Variants in PLCG2 observed in about 807,000 individuals in gnomAD.
The protein encoded by PLCG2 is phospholipase C gamma 2, also known as 1-phosphatidylinositol 4,5-bisphosphate phosphodiesterase gamma-2.
In PLCG2, 69 loss-of-function variants were observed where a neutral mutation model predicts 175.6. That is an observed-to-expected ratio of 0.39 (90% confidence interval 0.32 to 0.48). The LOEUF is 0.48. Ranked by LOEUF, PLCG2 falls within the 20% of genes least tolerant of loss-of-function variation. The pLI is 0.91. For missense variants in PLCG2, 1,798 were observed against 1,650.9 expected (o/e 1.09, Z -1.54); for synonymous variants, 827 against 624.0 (o/e 1.33, Z -4.85).
At chr16:81,784,208 C>G (rs1292687194) in intron 1 of PLCG2, among the ~76,000 whole-genome samples, 1 of 152,116 alleles carries the variant, frequency 6.6e-6, no homozygotes, top group Non-Finnish European at 1.5e-5. Context: ...AAGGGCAAAT[C>G]CTGGGCCCCT....
At chr16:81,803,554 TTTCC>T (rs148828856) in intron 2 of PLCG2, among the ~76,000 whole-genome samples, 46 of 82,648 alleles carry the variant, frequency 5.6e-4, no homozygotes, top group African/African-American at 1.2e-3. Flanking sequence ...CTTTCCTTTC[TTTCC>T]TTCCTTTCCT....
At chr16:81,892,986 G>A (rs1387179680) in intron 11 of PLCG2, among the ~76,000 whole-genome samples, 1 of 151,446 alleles carries the variant, frequency 6.6e-6, no homozygotes, top group African/African-American at 2.4e-5. Context: ...CTGGGACTCC[G>A]GGCACGAGCC....
At chr16:81,787,232 AT>A (rs562724353) in intron 2 of PLCG2, among the ~76,000 whole-genome samples, 14 of 151,638 alleles carry the variant, frequency 9.2e-5, no homozygotes, top group South Asian at 8.4e-4. Context: ...AACAAAATTA[AT>A]TTTTTTGAGA....
At chr16:81,923,291 C>G in intron 21 of PLCG2, 194 bp from the exon 22 acceptor site, 1 of 552,420 alleles carries the variant, frequency 1.8e-6, no homozygotes, top group Admixed American at 3.0e-5. Context: ...GGCCAGTTCT[C>G]CTTCACTCCC....
chr16:81,938,261 GT>G (rs1910798632), intron 28 of PLCG2, among the ~76,000 whole-genome samples: 1 of 152,096 alleles, frequency 6.6e-6, no homozygotes, highest in South Asian at 2.1e-4. Flanking sequence ...CCCTTACTTT[GT>G]CCAATTCCAG....
chr16:81,900,615 C>G lies in PLCG2; in HGVS notation c.1197C>G (p.Phe399Leu). The G allele has an allele frequency of 1.3e-6, 2 of 1,588,638 alleles. No individual in the cohort carries two copies. The highest frequency in any genetic ancestry group is 1.7e-6 in the Non-Finnish European group (2 of 1,159,188). Residue 399 changes from phenylalanine (F) to leucine (L), a missense_variant, in exon 14 of 33, where the codon TTC becomes TTG. Phe to Leu is a conservative substitution (Grantham distance 22, BLOSUM62 0). Transcript: ENST00000564138. ...IKDHAFVTSS[F>L]PVILSIEEHC... ...GCCCACCCTCTTCTGCCTGCAGCTT[C>G]CCAGTGATCCTGTCCATCGAGGAGC...
At chr16:81,819,183 C>T (rs781247097) in intron 2 of PLCG2, among the ~76,000 whole-genome samples, 4 of 152,040 alleles carry the variant, frequency 2.6e-5, no homozygotes, top group Non-Finnish European at 5.9e-5. Flanking sequence ...AGACAAAGAC[C>T]TTGTTGGGTG....
chr16:81,931,481 A>T lies in PLCG2; in HGVS notation c.2582-16A>T, dbSNP rs1247284550. ...TAATAGGCTGATTGGGACATTTCTT[A>T]TTCTCTTACCCCAAGTGAAAGCCCC... On this transcript the variant is annotated splice_polypyrimidine_tract_variant and intron_variant, in intron 24 of 32. Coordinates refer to ENST00000564138, the MANE Select transcript of PLCG2 (RefSeq NM_002661.5). 1 of 1,612,428 alleles carries T rather than the reference A, an allele frequency of 6.2e-7. No individual in the cohort carries two copies. Among genetic ancestry groups the T allele is most frequent in the East Asian group, 2.2e-5 (1 of 44,834 alleles).
In PLCG2 at chr16:81,956,833, G is replaced by A; in HGVS notation, c.3709G>A (p.Val1237Ile). The change falls in exon 32 of 33, where the codon GTT becomes ATT. Residue 1237 changes from valine to isoleucine, a missense_variant. By Grantham distance (29) the Val-to-Ile change is conservative (BLOSUM62 3). Coordinates refer to ENST00000564138, the MANE Select transcript of PLCG2 (RefSeq NM_002661.5). ...NRDALVKEFSVNENQLQLYQE... is the reference protein window; with the variant it reads ...NRDALVKEFSINENQLQLYQE... Reference sequence around the variant, plus strand: ...GGATGCCCTGGTTAAAGAGTTCAGTGTTAATGAGAACCAGCTCCAGCTGTA... The same window carrying A: ...GGATGCCCTGGTTAAAGAGTTCAGTATTAATGAGAACCAGCTCCAGCTGTA... 4 of 1,614,156 alleles carry A rather than the reference G, an allele frequency of 2.5e-6. No homozygotes were observed. Among genetic ancestry groups the A allele is most frequent in the Non-Finnish European group, 3.4e-6 (4 of 1,179,992 alleles).
chr16:81,794,056 A>G (rs977776165), intron 2 of PLCG2, among the ~76,000 whole-genome samples: 18 of 152,164 alleles, frequency 1.2e-4, no homozygotes, highest in African/African-American at 4.3e-4. Flanking sequence ...GAAACACATG[A>G]ATTCCTTACG....
chr16:81,836,978 T>G (rs1012234649), intron 2 of PLCG2, among the ~76,000 whole-genome samples: 2 of 152,218 alleles, frequency 1.3e-5, no homozygotes, highest in Non-Finnish European at 2.9e-5. Context: ...TGGTTTTCTC[T>G]GAAGCCGAAA....
chr16:81,768,893 C>T (rs1468409726), intron 2 of PLCG2, among the ~76,000 whole-genome samples: 2 of 151,994 alleles, frequency 1.3e-5, no homozygotes, highest in African/African-American at 2.4e-5. Flanking sequence ...TTATTTTAAC[C>T]ATTTTAATAG....
intron 2 of PLCG2, among the ~76,000 whole-genome samples, chr16:81,825,012 A>T (rs1026744585): frequency 6.6e-6 from 1 of 152,226 alleles, no homozygotes; most frequent in African/African-American, 2.4e-5. Flanking sequence ...ACAAGCCAAG[A>T]AATGCAGGTG....
chr16:81,795,990 G>A (rs1311849522), intron 2 of PLCG2, among the ~76,000 whole-genome samples: 1 of 152,198 alleles, frequency 6.6e-6, no homozygotes, highest in African/African-American at 2.4e-5. Context: ...AGGCTTTTCT[G>A]TAACCCCTAA....
At chr16:81,741,829 A>G (rs28532030) in intron 1 of PLCG2, among the ~76,000 whole-genome samples, 5,468 of 152,240 alleles carry the variant, frequency 0.036, 127 homozygotes, top group African/African-American at 0.067. Flanking sequence ...ATAATGATCA[A>G]ATCAGAGTCA....
Position 81,959,608 on chromosome 16 carries a change from A to G in PLCG2, c.*1610A>G, listed in dbSNP as rs1320745133. 2 of 194,378 alleles carry G rather than the reference A, an allele frequency of 1.0e-5. No individual in the cohort carries two copies. The highest frequency in any genetic ancestry group is 4.6e-5 in the African/African-American group (2 of 43,188). The allele number at this position is 194,378 out of a possible 1,614,324, so 12.0% of individuals were successfully genotyped here. ...TGCTATCACTCCAGTTACTCCTCCA[A>G]CTGGGAGCTGCTATTTTATTTGGCA... On this transcript the variant is annotated 3_prime_UTR_variant, in exon 33 of 33. Coordinates refer to ENST00000564138, the MANE Select transcript of PLCG2 (RefSeq NM_002661.5).
chr16:81,784,734 A>T (rs1369220716), intron 1 of PLCG2, among the ~76,000 whole-genome samples: 2 of 152,202 alleles, frequency 1.3e-5, no homozygotes, highest in African/African-American at 4.8e-5. Flanking sequence ...AAACATTTAG[A>T]TGGTGGATAC....
Position 81,895,804 on chromosome 16 carries a change from T to C in PLCG2, c.1073-3T>C. 1.9e-6 allele frequency: 3 copies of C among 1,613,988 alleles called. No individual in the cohort carries two copies. The highest frequency in any genetic ancestry group is 1.1e-5 in the South Asian group (1 of 91,074). On this transcript the variant is annotated splice_polypyrimidine_tract_variant and splice_region_variant and intron_variant, in intron 12 of 32. Transcript: ENST00000564138. ...ATTGAGGCTGCCGCGTTTCTCCCTG[T>C]AGTGGACTGCTGGGACGGGCCCGAT...
At chr16:81,887,954 G>A (rs2143591396) in intron 9 of PLCG2, among the ~76,000 whole-genome samples, 1 of 152,284 alleles carries the variant, frequency 6.6e-6, no homozygotes, top group East Asian at 1.9e-4. Flanking sequence ...CGTTATCAGT[G>A]TTTCAGCAGC....
Sources: allele counts gnomAD v4.1 joint callset (sites outside exome capture counted in the v4.1 genomes callset), GRCh38; gene constraint gnomAD v4.1.1; transcripts MANE v1.5; gene names NCBI Gene and HGNC (gene_info 2026-07-23, HGNC 2026-07-21).